SUCLG2: variants seen among roughly 807,000 people sequenced by gnomAD.
SUCLG2 encodes succinate--CoA ligase [GDP-forming] subunit beta, mitochondrial.
A neutral mutation model predicts 47.9 loss-of-function variants in SUCLG2; 42 were observed. That is an observed-to-expected ratio of 0.88 (90% CI 0.69 to 1.14). The LOEUF (loss-of-function observed/expected upper bound fraction) is 1.14. Among genes scored for constraint, SUCLG2 ranks in the 50% most tolerant of loss-of-function variants. The pLI is 0.00. For synonymous variants in SUCLG2, 195 were observed against 197.3 expected (o/e 0.99, Z 0.10); for missense variants, 571 against 525.9 (o/e 1.09, Z -0.84).
chr3:67,558,990 A>G (rs1206637583), intron 2 of SUCLG2, among the ~76,000 whole-genome samples: 3 of 152,210 alleles, frequency 2.0e-5, no homozygotes, highest in Non-Finnish European at 4.4e-5. Flanking sequence ...AAAATCCTTG[A>G]TTTTATTAGT....
intron 10 of SUCLG2, among the ~76,000 whole-genome samples, chr3:67,396,620 T>C (rs1219761054): frequency 1.3e-5 from 2 of 152,102 alleles, no homozygotes; most frequent in Non-Finnish European, 2.9e-5. Flanking sequence ...CCATTCCTTC[T>C]GAAACTACTC....
intron 3 of SUCLG2, 130 bp from the exon 4 acceptor site, chr3:67,528,352 T>G: frequency 2.6e-6 from 2 of 781,554 alleles, no homozygotes; most frequent in Non-Finnish European, 4.2e-6. Flanking sequence ...CATGAGTCTT[T>G]CTGCTTATGT....
chr3:67,579,792 T>C (rs1455087424), intron 2 of SUCLG2, among the ~76,000 whole-genome samples: 2 of 152,198 alleles, frequency 1.3e-5, no homozygotes, highest in Non-Finnish European at 2.9e-5. Context: ...TACTACGATG[T>C]TATCCTTTGA....
intron 2 of SUCLG2, among the ~76,000 whole-genome samples, chr3:67,531,230 A>G (rs1440874570): frequency 6.6e-6 from 1 of 152,330 alleles, no homozygotes; most frequent in East Asian, 1.9e-4. Context: ...TTTCTTTGGA[A>G]GACATCAAGT....
downstream of SUCLG2, among the ~76,000 whole-genome samples, chr3:67,369,954 G>C (rs901278711): frequency 6.6e-6 from 1 of 152,034 alleles, no homozygotes; most frequent in African/African-American, 2.4e-5. Context: ...TTAATGAAGA[G>C]TATCTACTTT....
intron 9 of SUCLG2, among the ~76,000 whole-genome samples, chr3:67,475,411 C>T (rs534082100): frequency 3.9e-5 from 6 of 152,102 alleles, no homozygotes; most frequent in Non-Finnish European, 5.9e-5. Context: ...TGATTAAAGG[C>T]GAATCTGTCA....
intron 9 of SUCLG2, among the ~76,000 whole-genome samples, chr3:67,404,620 T>C (rs1430261797): frequency 6.6e-6 from 1 of 152,048 alleles, no homozygotes; most frequent in African/African-American, 2.4e-5. Flanking sequence ...CCCTGGGTGG[T>C]GAGAAGATCC....
intron 1 of SUCLG2, among the ~76,000 whole-genome samples, chr3:67,652,115 G>A (rs1405336042): frequency 2.0e-5 from 3 of 149,142 alleles, no homozygotes. Flanking sequence ...CTTTAAGGAC[G>A]TACTATCAAT....
chr3:67,614,040 TAGA>T (rs1700580630), intron 1 of SUCLG2, among the ~76,000 whole-genome samples: 1 of 152,274 alleles, frequency 6.6e-6, no homozygotes, highest in South Asian at 2.1e-4. Flanking sequence ...GCTAGAATGG[TAGA>T]AGTTTATTTC....
At chr3:67,440,959 C>A (rs531602687) in intron 9 of SUCLG2, among the ~76,000 whole-genome samples, 1 of 152,250 alleles carries the variant, frequency 6.6e-6, no homozygotes, top group African/African-American at 2.4e-5. Flanking sequence ...TTTACAATAG[C>A]AAAGACTTGG....
intron 9 of SUCLG2, among the ~76,000 whole-genome samples, chr3:67,413,253 G>A (rs554315778): frequency 2.0e-5 from 3 of 152,274 alleles, no homozygotes; most frequent in African/African-American, 7.2e-5. Flanking sequence ...GAGCTTCTCA[G>A]CACTAAAACG....
intron 7 of SUCLG2, among the ~76,000 whole-genome samples, chr3:67,505,080 TTC>T (rs1276844481): frequency 6.6e-6 from 1 of 152,226 alleles, no homozygotes; most frequent in Non-Finnish European, 1.5e-5. Flanking sequence ...TACCATATGA[TTC>T]TTGCTCAGTG....
intron 9 of SUCLG2, among the ~76,000 whole-genome samples, chr3:67,474,058 C>T (rs1030572508): frequency 1.3e-5 from 2 of 152,094 alleles, no homozygotes; most frequent in Non-Finnish European, 2.9e-5. Context: ...GAGATCAAGA[C>T]CATCCTTGCT....
At chr3:67,561,309 G>C (rs1707301742) in intron 2 of SUCLG2, among the ~76,000 whole-genome samples, 1 of 151,858 alleles carries the variant, frequency 6.6e-6, no homozygotes, top group African/African-American at 2.4e-5. Context: ...TCTCATGCTG[G>C]TGGACACAGA....
intron 9 of SUCLG2, among the ~76,000 whole-genome samples, chr3:67,462,262 C>T (rs904337342): frequency 3.3e-5 from 5 of 152,058 alleles, no homozygotes; most frequent in African/African-American, 1.2e-4. Flanking sequence ...ACTCTAATCT[C>T]CCCCCACTTT....
chr3:67,625,099 A>G (rs1479884903), intron 1 of SUCLG2, among the ~76,000 whole-genome samples: 1 of 152,260 alleles, frequency 6.6e-6, no homozygotes, highest in African/African-American at 2.4e-5. Context: ...CCATAGTGAA[A>G]TGCTAGATGA....
At chr3:67,475,451 A>T (rs538913873) in intron 9 of SUCLG2, among the ~76,000 whole-genome samples, 1 of 152,340 alleles carries the variant, frequency 6.6e-6, no homozygotes, top group Non-Finnish European at 1.5e-5. Context: ...CCAAAGAGGC[A>T]GGCACTCAAG....
At chr3:67,496,315 A>T (rs576578848) in intron 8 of SUCLG2, among the ~76,000 whole-genome samples, 173 of 152,330 alleles carry the variant, frequency 1.1e-3, no homozygotes, top group Middle Eastern at 3.4e-3. Flanking sequence ...GAAACAAGCT[A>T]TTGGAAGTTG....
At chr3:67,461,731 T>A (rs1704340609) in intron 9 of SUCLG2, among the ~76,000 whole-genome samples, 1 of 152,080 alleles carries the variant, frequency 6.6e-6, no homozygotes, top group Non-Finnish European at 1.5e-5. Flanking sequence ...ATGACAATAA[T>A]AAATGTCTCT....
Sources: allele counts gnomAD v4.1 joint callset (sites outside exome capture counted in the v4.1 genomes callset), GRCh38; gene constraint gnomAD v4.1.1; transcripts MANE v1.5; gene names NCBI Gene and HGNC (gene_info 2026-07-23, HGNC 2026-07-21).